Variants in ZCWPW2 observed in about 807,000 individuals in gnomAD.
ZCWPW2 encodes zinc finger CW-type PWWP domain protein 2.
In ZCWPW2, 45 loss-of-function variants were observed where a neutral mutation model predicts 46.6. That is an observed-to-expected ratio of 0.96 (90% CI 0.76 to 1.24). ZCWPW2 has a LOEUF of 1.24. Ranked by LOEUF, ZCWPW2 falls within the 50% of genes most tolerant of loss-of-function variation. The pLI is 0.00. For synonymous variants in ZCWPW2, 152 were observed against 137.1 expected (o/e 1.11, Z -0.76); for missense variants, 429 against 403.9 (o/e 1.06, Z -0.53).
At chr3:28,410,186 CAT>C (rs758615959) in intron 2 of ZCWPW2, among the ~76,000 whole-genome samples, 4 of 151,984 alleles carry the variant, frequency 2.6e-5, no homozygotes, top group Admixed American at 2.6e-4. Flanking sequence ...CAAATCTGAA[CAT>C]GTATATATTT....
At chr3:28,459,864 G>A (rs1279727617) in intron 4 of ZCWPW2, among the ~76,000 whole-genome samples, 1 of 152,034 alleles carries the variant, frequency 6.6e-6, no homozygotes, top group Non-Finnish European at 1.5e-5. Context: ...GCCACATGTA[G>A]CAGTTGTTTA....
At chr3:28,513,155 A>G (rs1700473319) in intron 6 of ZCWPW2, among the ~76,000 whole-genome samples, 1 of 152,184 alleles carries the variant, frequency 6.6e-6, no homozygotes, top group African/African-American at 2.4e-5. Flanking sequence ...TGAACTATAC[A>G]GTGCAAATAT....
intron 1 of ZCWPW2, among the ~76,000 whole-genome samples, chr3:28,376,421 T>G (rs1705501533): frequency 6.6e-6 from 1 of 152,140 alleles, no homozygotes; most frequent in African/African-American, 2.4e-5. Context: ...TAGCTATTTT[T>G]TGGATAGATT....
rs1434742647 is a variant in ZCWPW2 at position 28,524,895 on chromosome 3, T to TA, written c.*213dup. Reference sequence around the variant, plus strand: ...TAAGTTAGTGTTAAAAATTTAGAATTAAAAAACCCTGATATTTGTATTTAT... The same window carrying TA: ...TAAGTTAGTGTTAAAAATTTAGAATTAAAAAAACCCTGATATTTGTATTTAT... On this transcript the variant is annotated 3_prime_UTR_variant, in exon 10 of 10. Transcript: ENST00000383768. 2 of 296,246 alleles carry TA rather than the reference T, an allele frequency of 6.8e-6. No homozygotes were observed. Among genetic ancestry groups the TA allele is most frequent in the South Asian group, 2.3e-4 (2 of 8,636 alleles). 18.4% of individuals were successfully genotyped at this position (296,246 alleles called of 1,614,324 possible).
intron 1 of ZCWPW2, among the ~76,000 whole-genome samples, chr3:28,369,684 T>A (rs1293852858): frequency 6.6e-6 from 1 of 152,228 alleles, no homozygotes; most frequent in African/African-American, 2.4e-5. Flanking sequence ...TCTTCAAAGC[T>A]GTCAGACAGG....
rs781205226 is a variant in ZCWPW2 at position 28,435,273 on chromosome 3, G to C, written c.492+4G>C. On this transcript the variant is annotated splice_donor_region_variant and intron_variant, in intron 4 of 9. Transcript: ENST00000383768. ...ACATTATAGTATCACATTAAAGGTA[G>C]GTATCATAACATCAAAACTTTATTC... 1.9e-6 allele frequency: 3 copies of C among 1,588,410 alleles called. No individual in the cohort carries two copies. The highest frequency in any genetic ancestry group is 2.6e-6 in the Non-Finnish European group (3 of 1,172,114).
chr3:28,392,195 T>G (rs1363584486), intron 2 of ZCWPW2, among the ~76,000 whole-genome samples: 1 of 152,110 alleles, frequency 6.6e-6, no homozygotes, highest in African/African-American at 2.4e-5. Context: ...AAATAGACTT[T>G]AAGTCAAAAA....
At chr3:28,398,843 G>A (rs953769187) in intron 2 of ZCWPW2, among the ~76,000 whole-genome samples, 4 of 152,160 alleles carry the variant, frequency 2.6e-5, no homozygotes, top group Admixed American at 1.3e-4. Context: ...GAGTCCTTCA[G>A]GAGGGTGGCC....
intron 1 of ZCWPW2, among the ~76,000 whole-genome samples, chr3:28,372,519 A>G (rs1705370090): frequency 6.6e-6 from 1 of 152,222 alleles, no homozygotes; most frequent in Admixed American, 6.5e-5. Flanking sequence ...CAACTGGCAA[A>G]GTAAAACTAC....
At chr3:28,397,851 T>C (rs976616063) in intron 2 of ZCWPW2, among the ~76,000 whole-genome samples, 5 of 152,204 alleles carry the variant, frequency 3.3e-5, no homozygotes, top group African/African-American at 1.2e-4. Context: ...TTATTAGGAC[T>C]CTACAGGCCT....
intron 1 of ZCWPW2, among the ~76,000 whole-genome samples, chr3:28,355,700 T>A (rs1026806493): frequency 6.6e-6 from 1 of 152,150 alleles, no homozygotes; most frequent in Non-Finnish European, 1.5e-5. Context: ...ATACCACACA[T>A]CTACAACCAT....
intron 1 of ZCWPW2, among the ~76,000 whole-genome samples, chr3:28,357,059 A>C (rs1390728001): frequency 6.7e-6 from 1 of 149,936 alleles, no homozygotes; most frequent in Non-Finnish European, 1.5e-5. Context: ...AATAGTTTCT[A>C]TATGTGCCTA....
At chr3:28,388,332 C>G (rs962256407) in intron 1 of ZCWPW2, among the ~76,000 whole-genome samples, 2 of 152,146 alleles carry the variant, frequency 1.3e-5, no homozygotes, top group African/African-American at 4.8e-5. Context: ...AAGTCCCCCC[C>G]TTGTCAACCT....
At chr3:28,447,403 T>C (rs777688298) in intron 4 of ZCWPW2, among the ~76,000 whole-genome samples, 9 of 150,070 alleles carry the variant, frequency 6.0e-5, no homozygotes, top group African/African-American at 2.2e-4. Flanking sequence ...AGAAAAAAAA[T>C]GATCAGCTTA....
At chr3:28,444,088 G>T (rs539120783) in intron 4 of ZCWPW2, among the ~76,000 whole-genome samples, 1 of 152,126 alleles carries the variant, frequency 6.6e-6, no homozygotes, top group East Asian at 1.9e-4. Context: ...CTACTTAGTG[G>T]TCCCAAATCA....
chr3:28,484,813 C>A (rs1181190767), intron 5 of ZCWPW2, among the ~76,000 whole-genome samples: 4 of 151,686 alleles, frequency 2.6e-5, no homozygotes, highest in Non-Finnish European at 4.4e-5. Flanking sequence ...TGCCTGCCTG[C>A]CTTCCTCTCT....
At chr3:28,436,323 C>CTTTTTTTTTTTT (rs71087698) in intron 4 of ZCWPW2, among the ~76,000 whole-genome samples, 110 of 116,822 alleles carry the variant, frequency 9.4e-4, no homozygotes, top group Non-Finnish European at 1.3e-3. Context: ...TCTTTTTTTT[C>CTTTTTTTTTTTT]TTTTTTTTTT....
chr3:28,494,395 T>G lies in ZCWPW2; in HGVS notation c.657+2222T>G, dbSNP rs1440616354. On this transcript the variant is annotated intron_variant, in intron 6 of 9. Coordinates refer to ENST00000383768, the MANE Select transcript of ZCWPW2 (RefSeq NM_001040432.4). Reference sequence around the variant, plus strand: ...GCTAGCCAGTTTTCCCAGCACCATTTATTAAATAGGGAATCCTTTCCCCAT... The same window carrying G: ...GCTAGCCAGTTTTCCCAGCACCATTGATTAAATAGGGAATCCTTTCCCCAT... 1.1e-4 allele frequency among the ~76,000 whole-genome samples: 14 copies of G among 130,356 alleles called. No individual in the cohort carries two copies. In the East Asian group the frequency reaches 1.2e-3, roughly 11 times the overall value. The allele number at this position is 130,356 out of a possible 152,430, so 85.5% of individuals were successfully genotyped here. A position where few individuals can be genotyped will look rare whatever the true frequency, so the allele number is the denominator to read the frequency against.
At chr3:28,376,638 C>T (rs1199821645) in intron 1 of ZCWPW2, among the ~76,000 whole-genome samples, 1 of 152,092 alleles carries the variant, frequency 6.6e-6, no homozygotes, top group African/African-American at 2.4e-5. Flanking sequence ...TTGCTTCATC[C>T]TCAGATTTCA....
Sources: gnomAD v4.1 joint callset for allele counts (sites outside exome capture counted in the v4.1 genomes callset) on GRCh38, gnomAD v4.1.1 for gene constraint, MANE v1.5 for transcripts, NCBI Gene and HGNC (gene_info 2026-07-23, HGNC 2026-07-21) for gene names.